Variants in XKR5 observed in about 807,000 individuals in gnomAD.
The protein encoded by XKR5 is XK-related protein 5.
Under a neutral mutation model 40.8 loss-of-function variants are expected in XKR5, and 46 were observed. The ratio of observed to expected loss-of-function variants is 1.13; its 90% CI spans 0.89 to 1.44. The LOEUF is 1.44. Among genes scored for constraint, XKR5 ranks in the 40% most tolerant of loss-of-function variants. The pLI, the probability that XKR5 is intolerant of heterozygous loss-of-function variation, is 0.00. For missense variants in XKR5, 1,169 were observed against 844.7 expected, an observed-to-expected ratio of 1.38 and a Z score of -4.76; for synonymous variants, 466 against 356.1, an observed-to-expected ratio of 1.31 and a Z score of -3.48.
At chr8:6,829,044 A>G (rs1256286859) in intron 2 of XKR5, 1 of 152,324 alleles carries the variant, frequency 6.6e-6, no homozygotes, top group Non-Finnish European at 1.5e-5. Context: ...TGGAAATCGC[A>G]ACAGCCTTCA....
At chr8:6,829,815 C>G (rs1488882750) in intron 2 of XKR5, among the ~76,000 whole-genome samples, 2 of 146,504 alleles carry the variant, frequency 1.4e-5, no homozygotes, top group Non-Finnish European at 3.0e-5. Flanking sequence ...TCACGCCAGG[C>G]CAAATTCTTG....
At chr8:6,827,831 C>G (rs1804582964) in intron 2 of XKR5, among the ~76,000 whole-genome samples, 1 of 152,058 alleles carries the variant, frequency 6.6e-6, no homozygotes, top group Non-Finnish European at 1.5e-5. Flanking sequence ...TTTGGGAGGC[C>G]AAGGCAGGAG....
At position 6,811,105 on chromosome 8, in the gene XKR5, G is replaced by C; in HGVS notation, c.*93C>G. On this transcript the variant is annotated 3_prime_UTR_variant, in exon 7 of 7. Transcript: ENST00000618742. ...CAGAGGTGACAGTGATGTGCCCAAG[G>C]ACACAGGTGTCAGAAGTGGGATTTC... The C allele has an allele frequency of 8.0e-7, 1 of 1,248,678 alleles. No homozygotes were observed. The highest frequency in any genetic ancestry group is 1.1e-6 in the Non-Finnish European group (1 of 921,520). 77.3% of individuals were successfully genotyped at this position (1,248,678 alleles called of 1,614,324 possible).
In XKR5 at chr8:6,809,693, G is replaced by A. The variant is rs1172441112; in HGVS notation, c.*1505C>T. The A allele has an allele frequency of 1.3e-5, 2 of 152,212 alleles. No individual in the cohort carries two copies. Among genetic ancestry groups the A allele is most frequent in the Non-Finnish European group, 2.9e-5 (2 of 68,054 alleles). The allele number at this position is 152,212 out of a possible 1,614,324, so 9.4% of individuals were successfully genotyped here. On this transcript the variant is annotated 3_prime_UTR_variant, in exon 7 of 7. Coordinates refer to ENST00000618742, the MANE Select transcript of XKR5 (RefSeq NM_207411.5). Reference sequence around the variant, plus strand: ...CCAGGAGGATGCTGATGGTCTGAGAGCTTATTGCAGAAAGTGTCTGCAGGT... The same window carrying A: ...CCAGGAGGATGCTGATGGTCTGAGAACTTATTGCAGAAAGTGTCTGCAGGT...
rs556329578 is a variant in XKR5 at position 6,808,907 on chromosome 8, A to C, written c.*2291T>G. 1.3e-5 allele frequency: 2 copies of C among 152,292 alleles called. No individual in the cohort carries two copies. The highest frequency in any genetic ancestry group is 4.8e-5 in the African/African-American group (2 of 41,550). 9.4% of individuals were successfully genotyped at this position (152,292 alleles called of 1,614,324 possible). On this transcript the variant is annotated 3_prime_UTR_variant, in exon 7 of 7. Transcript: ENST00000618742. ...ATGCCCACAGCCCCGCTCGTTAGTG[A>C]ATTCATGCTGTTGAATGCTCTAACG...
At chr8:6,815,775 G>T (rs1378047924) in intron 6 of XKR5, 32 bp downstream of exon 6, 1 of 1,445,952 alleles carries the variant, frequency 6.9e-7, no homozygotes, top group Non-Finnish European at 9.5e-7. Flanking sequence ...TTGGGGAGGG[G>T]ATGCAGAGAA....
chr8:6,828,741 T>C (rs564588088), intron 2 of XKR5, among the ~76,000 whole-genome samples: 1 of 152,334 alleles, frequency 6.6e-6, no homozygotes, highest in South Asian at 2.1e-4. Context: ...TTGTCCCTGG[T>C]GCCATCTGTC....
In XKR5 at chr8:6,811,414, G is replaced by A. The variant is rs1223687601; in HGVS notation, c.1845C>T (p.Gly615=). ...GPCRGFCPSA[G]FPGRTLSISE... ...AGATACTGAGGGTTCTTCCAGGGAA[G>A]CCTGCACTGGGGCAGAAGCCTCTAC... is the stretch of plus-strand genomic sequence containing the variant. The change falls in exon 7 of 7, where the codon GGC becomes GGT. Residue 615 remains glycine, a synonymous_variant. Transcript: ENST00000618742. 14 of 1,537,246 alleles carry A rather than the reference G, an allele frequency of 9.1e-6. No homozygotes were observed. The Middle Eastern group carries it at 5.0e-4, about 55-fold the overall frequency.
intron 3 of XKR5, among the ~76,000 whole-genome samples, 153 bp downstream of exon 3, chr8:6,825,012 C>T (rs2117104236): frequency 6.6e-6 from 1 of 152,204 alleles, no homozygotes; most frequent in Non-Finnish European, 1.5e-5. Flanking sequence ...CAGCAAAAGC[C>T]AGTTTTAAGC....
At chr8:6,825,406 G>C in intron 2 of XKR5, 57 bp from the exon 3 acceptor site, 2 of 1,447,402 alleles carry the variant, frequency 1.4e-6, no homozygotes, top group Non-Finnish European at 1.8e-6. Flanking sequence ...GATTCAATAG[G>C]ACGAGCTTTC....
At chr8:6,818,375 G>C (rs1037730846) in intron 5 of XKR5, among the ~76,000 whole-genome samples, 10 of 152,120 alleles carry the variant, frequency 6.6e-5, no homozygotes, top group African/African-American at 2.4e-4. Flanking sequence ...TTTTGATAGC[G>C]TCACTTCTCT....
intron 1 of XKR5, among the ~76,000 whole-genome samples, chr8:6,834,768 C>G (rs560322941): frequency 2.6e-5 from 4 of 152,214 alleles, no homozygotes; most frequent in African/African-American, 9.6e-5. Flanking sequence ...AGGAGTTACG[C>G]GTTCAAACCA....
In XKR5 at chr8:6,812,219, G is replaced by C. The variant is rs774410247; in HGVS notation, c.1040C>G (p.Ser347Cys). Residue 347 changes from serine to cysteine, a missense_variant, in exon 7 of 7, where the codon TCT becomes TGT. Coordinates refer to ENST00000618742, the MANE Select transcript of XKR5 (RefSeq NM_207411.5). ...CCCAGCTAGATCTGTGGCCCGGGGA[G>C]AATCTCTTCTCTCTGTTTTATCACC... ...AGGDKTERRD[S>C]PRATDLAGKR... The C allele has an allele frequency of 2.6e-4, 406 of 1,551,862 alleles. No homozygotes were observed. Among genetic ancestry groups the C allele is most frequent in the Non-Finnish European group, 3.5e-4 (401 of 1,147,070 alleles).
chr8:6,834,266 G>A (rs1299733360), intron 1 of XKR5, among the ~76,000 whole-genome samples: 1 of 152,194 alleles, frequency 6.6e-6, no homozygotes, highest in Non-Finnish European at 1.5e-5. Context: ...CACAAGCCGC[G>A]GATTTTAGGG....
intron 2 of XKR5, among the ~76,000 whole-genome samples, chr8:6,827,470 C>T (rs1393836514): frequency 6.6e-6 from 1 of 152,154 alleles, no homozygotes; most frequent in African/African-American, 2.4e-5. Context: ...GATTCGGGGA[C>T]TCCTCTTTGA....
chr8:6,829,540 G>C (rs901115278), intron 2 of XKR5, among the ~76,000 whole-genome samples: 4 of 152,138 alleles, frequency 2.6e-5, no homozygotes, highest in African/African-American at 9.7e-5. Context: ...ATTTGAGATT[G>C]AGTCTCATTC....
chr8:6,816,663 T>A (rs1263216879), intron 5 of XKR5, among the ~76,000 whole-genome samples: 1 of 139,630 alleles, frequency 7.2e-6, no homozygotes, highest in Non-Finnish European at 1.5e-5. Flanking sequence ...TTATTTTTAT[T>A]TAATTAAATA....
chr8:6,826,511 G>T (rs542433426), intron 2 of XKR5, among the ~76,000 whole-genome samples: 3 of 152,148 alleles, frequency 2.0e-5, no homozygotes, highest in Admixed American at 2.0e-4. Flanking sequence ...ACTGAACAGG[G>T]GAGATGAGGG....
intron 1 of XKR5, among the ~76,000 whole-genome samples, chr8:6,833,581 G>C (rs1804868157): frequency 6.6e-6 from 1 of 152,184 alleles, no homozygotes; most frequent in Non-Finnish European, 1.5e-5. Context: ...AAGTTTGCTG[G>C]CTGCGTGCCT....
Sources: gnomAD v4.1 joint callset for allele counts (sites outside exome capture counted in the v4.1 genomes callset) on GRCh38, gnomAD v4.1.1 for gene constraint, MANE v1.5 for transcripts, NCBI Gene and HGNC (gene_info 2026-07-23, HGNC 2026-07-21) for gene names.